The following GNAL variants were observed in gnomAD, a reference collection of about 807,000 sequenced individuals.
The protein encoded by GNAL is G protein subunit alpha L, also known as guanine nucleotide-binding protein G(olf) subunit alpha.
In GNAL, 18 loss-of-function variants were observed where a neutral mutation model predicts 55.1. The observed-to-expected ratio is 0.33, with a 90% CI of 0.23 to 0.48. GNAL has a LOEUF of 0.48. Among genes scored for constraint, GNAL ranks in the 20% least tolerant of loss-of-function variants. GNAL has a pLI of 0.99. For synonymous variants in GNAL, 253 were observed against 237.0 expected, an observed-to-expected ratio of 1.07 and a Z score of -0.62; for missense variants, 412 against 614.1, an observed-to-expected ratio of 0.67 and a Z score of 3.48.
intron 5 of GNAL, among the ~76,000 whole-genome samples, chr18:11,861,807 C>G (rs1253526823): frequency 1.3e-5 from 2 of 152,174 alleles, no homozygotes; most frequent in Admixed American, 6.5e-5. Context: ...CCAGGTTTGC[C>G]AGCACACACA....
intron 11 of GNAL, among the ~76,000 whole-genome samples, chr18:11,880,264 CAA>C (rs1321771364): frequency 6.9e-6 from 1 of 144,874 alleles, no homozygotes; most frequent in Non-Finnish European, 1.5e-5. Flanking sequence ...CTCAAACAAA[CAA>C]AAAAACAAAC....
intron 4 of GNAL, 35 bp from the exon 5 acceptor site, chr18:11,824,883 T>C: frequency 8.8e-7 from 1 of 1,137,092 alleles, no homozygotes; most frequent in Non-Finnish European, 1.3e-6. Flanking sequence ...TATTACACTT[T>C]TTTTTTTTTA....
intron 5 of GNAL, among the ~76,000 whole-genome samples, chr18:11,828,649 A>T (rs2035307697): frequency 6.9e-6 from 1 of 144,792 alleles, no homozygotes; most frequent in Non-Finnish European, 1.5e-5. Flanking sequence ...CACATTAGAA[A>T]TTTTTCTGTT....
At chr18:11,864,399 G>T in intron 6 of GNAL, 134 bp from the exon 7 acceptor site, 1 of 685,216 alleles carries the variant, frequency 1.5e-6, no homozygotes, top group South Asian at 1.6e-5. Flanking sequence ...GGCCAATGTT[G>T]GTTCTTAATT....
Position 11,751,065 on chromosome 18 carries a change from G to T in GNAL, c.377-1788G>T, listed in dbSNP as rs2032809818. On this transcript the variant is annotated intron_variant, in intron 1 of 11. Transcript: ENST00000334049. This position sits in a 1 kb window ranked among gnomAD's most constrained non-coding sequence, Gnocchi z 4.5. Reference sequence around the variant, plus strand: ...TGAAGAAGACCGTGTAGGTTTCTTGGAAGGTGGAGGCACTCGACGACAGAG... The same window carrying T: ...TGAAGAAGACCGTGTAGGTTTCTTGTAAGGTGGAGGCACTCGACGACAGAG... Among the ~76,000 whole-genome samples the T allele has an allele frequency of 6.6e-6, 1 of 152,126 alleles. No individual in the cohort carries two copies. The highest frequency in any genetic ancestry group is 2.4e-5 in the African/African-American group (1 of 41,414).
chr18:11,785,550 C>T (rs1035362743), intron 4 of GNAL, among the ~76,000 whole-genome samples: 40 of 152,230 alleles, frequency 2.6e-4, no homozygotes, highest in African/African-American at 9.6e-4. Context: ...GCCCCTGCCT[C>T]CTTAGAACCA....
At chr18:11,809,251 C>G (rs1451065189) in intron 4 of GNAL, among the ~76,000 whole-genome samples, 2 of 146,764 alleles carry the variant, frequency 1.4e-5, no homozygotes, top group Non-Finnish European at 3.0e-5. Flanking sequence ...GAGCGAGACT[C>G]TATCTCAAAA....
intron 9 of GNAL, among the ~76,000 whole-genome samples, chr18:11,871,503 C>T (rs1256160132): frequency 6.6e-6 from 1 of 152,138 alleles, no homozygotes; most frequent in Non-Finnish European, 1.5e-5. Flanking sequence ...CCCACCTCTG[C>T]CCCACAAAGT....
Position 11,881,122 on chromosome 18 carries a change from A to G in GNAL, c.1364A>G (p.Tyr455Cys), listed in dbSNP as rs762600344. 1.9e-6 allele frequency: 3 copies of G among 1,610,034 alleles called. No individual in the cohort carries two copies. Among genetic ancestry groups the G allele is most frequent in the South Asian group, 2.2e-5 (2 of 90,350 alleles). ...ATCCAGCGGATGCACCTCAAGCAGT[A>G]TGAGCTCTTGTGAGGATGCTGCCGC... ...DIIQRMHLKQ[Y>C]ELL is the part of the protein sequence containing the mutation. The change falls in exon 12 of 12, where the codon TAT becomes TGT. Residue 455 changes from tyrosine (Y) to cysteine (C), a missense_variant. Around this residue, in one of 5 missense-constraint regions of GNAL, gnomAD observed 79 missense variants for 127.1 expected, o/e 0.62. Transcript: ENST00000334049. This position sits in a 1 kb window ranked among gnomAD's most constrained non-coding sequence, Gnocchi z 4.8.
intron 4 of GNAL, among the ~76,000 whole-genome samples, chr18:11,800,360 G>A (rs1266375431): frequency 6.6e-6 from 1 of 152,280 alleles, no homozygotes; most frequent in East Asian, 1.9e-4. Flanking sequence ...GGGTAACATT[G>A]CAAACTGCGA....
intron 4 of GNAL, among the ~76,000 whole-genome samples, chr18:11,819,908 A>G (rs1224484200): frequency 4.6e-5 from 7 of 152,132 alleles, no homozygotes; most frequent in Admixed American, 4.6e-4. Context: ...AATTTTATTA[A>G]TGTTTTTAAT....
chr18:11,841,748 C>G (rs917382972), intron 5 of GNAL, among the ~76,000 whole-genome samples: 1 of 151,932 alleles, frequency 6.6e-6, no homozygotes, highest in South Asian at 2.1e-4. Context: ...TTCCCAACTG[C>G]GGGGATCCTT....
intron 4 of GNAL, among the ~76,000 whole-genome samples, chr18:11,757,415 G>T (rs1450647891): frequency 6.6e-6 from 1 of 152,186 alleles, no homozygotes; most frequent in African/African-American, 2.4e-5. Context: ...AGAACGGATT[G>T]TGGGGAGGCA....
intron 4 of GNAL, among the ~76,000 whole-genome samples, chr18:11,772,134 T>TA (rs1347044228): frequency 6.6e-6 from 1 of 152,174 alleles, no homozygotes; most frequent in Non-Finnish European, 1.5e-5. Context: ...ACTTTTTTAT[T>TA]ACACTTGCTC....
At chr18:11,875,047 T>G (rs1266463052) in intron 10 of GNAL, among the ~76,000 whole-genome samples, 1 of 152,190 alleles carries the variant, frequency 6.6e-6, no homozygotes, top group Non-Finnish European at 1.5e-5. Context: ...TGTGGACTCT[T>G]CCGGGGGAGA....
chr18:11,717,587 A>T (rs1464519189), intron 1 of GNAL, among the ~76,000 whole-genome samples: 2 of 152,262 alleles, frequency 1.3e-5, no homozygotes, highest in Non-Finnish European at 2.9e-5. Flanking sequence ...TGGTACATAT[A>T]CACCATGGAA....
At chr18:11,867,840 AT>A (rs1280454278) in intron 8 of GNAL, among the ~76,000 whole-genome samples, 3 of 148,806 alleles carry the variant, frequency 2.0e-5, no homozygotes, top group Non-Finnish European at 4.5e-5. Flanking sequence ...TAATAAAAAA[AT>A]TAGCCGGGTG....
intron 4 of GNAL, among the ~76,000 whole-genome samples, chr18:11,821,000 T>G (rs2143626396): frequency 6.6e-6 from 1 of 152,344 alleles, no homozygotes; most frequent in South Asian, 2.1e-4. Context: ...ACCTAGAGTT[T>G]CGTCTCCTAT....
At chr18:11,852,199 C>G in intron 5 of GNAL, 3 of 1,421,324 alleles carry the variant, frequency 2.1e-6, no homozygotes, top group Non-Finnish European at 2.8e-6. Flanking sequence ...CCTAGAAACT[C>G]TGAACACGCC....
Sources: allele counts gnomAD v4.1 joint callset (sites outside exome capture counted in the v4.1 genomes callset), GRCh38; gene constraint gnomAD v4.1.1; regional missense constraint gnomAD v4.1.1; non-coding constraint Gnocchi (gnomAD v3.1); transcripts MANE v1.5; gene names NCBI Gene and HGNC (gene_info 2026-07-23, HGNC 2026-07-21).